The following CDYL2 variants were observed in gnomAD, a reference collection of about 807,000 sequenced individuals.
The protein encoded by CDYL2 is chromodomain Y-like protein 2.
A neutral mutation model predicts 49.4 loss-of-function variants in CDYL2; 23 were observed. That is an observed-to-expected ratio of 0.47 (90% CI 0.34 to 0.66). The LOEUF (loss-of-function observed/expected upper bound fraction) is 0.66, where lower values mean the gene tolerates loss of function less well. Among genes scored for constraint, CDYL2 ranks in the 30% least tolerant of loss-of-function variants. CDYL2 has a pLI of 0.01. For synonymous variants in CDYL2, 360 were observed against 268.8 expected, an observed-to-expected ratio of 1.34 and a Z score of -3.32; for missense variants, 678 against 656.4, an observed-to-expected ratio of 1.03 and a Z score of -0.36.
intron 1 of CDYL2, among the ~76,000 whole-genome samples, chr16:80,726,111 T>C (rs747940483): frequency 2.0e-5 from 3 of 152,192 alleles, no homozygotes; most frequent in Non-Finnish European, 4.4e-5. Flanking sequence ...TTTGATGAAA[T>C]AAGATTGCTC....
At chr16:80,745,775 G>C (rs1905907495) in intron 1 of CDYL2, among the ~76,000 whole-genome samples, 1 of 152,070 alleles carries the variant, frequency 6.6e-6, no homozygotes, top group Non-Finnish European at 1.5e-5. Flanking sequence ...GAGAAATTTG[G>C]AGTCAATTCA....
chr16:80,660,528 G>T (rs1009393789), intron 2 of CDYL2, among the ~76,000 whole-genome samples: 1 of 152,092 alleles, frequency 6.6e-6, no homozygotes, highest in Non-Finnish European at 1.5e-5. Context: ...CCAGTGAAAA[G>T]CATTAAAAGG....
chr16:80,696,179 TTAAAAA>T (rs1160173130), intron 1 of CDYL2, among the ~76,000 whole-genome samples: 1 of 152,140 alleles, frequency 6.6e-6, no homozygotes, highest in Non-Finnish European at 1.5e-5. Context: ...AGAAGGGAAC[TTAAAAA>T]TTTCTTGAAA....
At chr16:80,643,519 G>A (rs578077136) in intron 2 of CDYL2, among the ~76,000 whole-genome samples, 199 of 152,362 alleles carry the variant, frequency 1.3e-3, no homozygotes, top group African/African-American at 4.3e-3. Context: ...CCTTCTGCAC[G>A]CCTTAGCAGA....
At chr16:80,747,603 C>T (rs1905977966) in intron 1 of CDYL2, among the ~76,000 whole-genome samples, 1 of 152,116 alleles carries the variant, frequency 6.6e-6, no homozygotes, top group Non-Finnish European at 1.5e-5. Flanking sequence ...GGCAGCTTCC[C>T]CTCTGGAGTG....
chr16:80,625,133 T>C (rs1014915810), intron 3 of CDYL2, among the ~76,000 whole-genome samples: 2 of 152,224 alleles, frequency 1.3e-5, no homozygotes, highest in Non-Finnish European at 2.9e-5. Flanking sequence ...AAACTTATTA[T>C]CTTATAGTCC....
At chr16:80,665,461 A>G (rs906716582) in intron 2 of CDYL2, among the ~76,000 whole-genome samples, 1 of 148,668 alleles carries the variant, frequency 6.7e-6, no homozygotes, top group African/African-American at 2.5e-5. Flanking sequence ...ATTCACTGCC[A>G]CCAAGTATTA....
At chr16:80,628,488 G>A (rs1322600999) in intron 3 of CDYL2, 1 of 152,276 alleles carries the variant, frequency 6.6e-6, no homozygotes, top group Non-Finnish European at 1.5e-5. Flanking sequence ...GCTTGGAAGT[G>A]AATTCTCCTC....
At chr16:80,710,544 A>G (rs1450255845) in intron 1 of CDYL2, among the ~76,000 whole-genome samples, 1 of 152,228 alleles carries the variant, frequency 6.6e-6, no homozygotes, top group East Asian at 1.9e-4. Flanking sequence ...TTTTAACTGA[A>G]AAGACTATGT....
intron 4 of CDYL2, among the ~76,000 whole-genome samples, chr16:80,613,921 C>T (rs907128548): frequency 1.3e-5 from 2 of 152,242 alleles, no homozygotes; most frequent in Admixed American, 1.3e-4. Flanking sequence ...GTTTCCCTCA[C>T]ATCACTCTTG....
intron 1 of CDYL2, among the ~76,000 whole-genome samples, chr16:80,786,661 G>C (rs555231535): frequency 6.6e-6 from 1 of 151,888 alleles, no homozygotes; most frequent in Admixed American, 6.6e-5. Context: ...CAAAGACTTG[G>C]AACCAACCCA....
chr16:80,622,848 C>A (rs1452590541), intron 3 of CDYL2, among the ~76,000 whole-genome samples: 2 of 152,202 alleles, frequency 1.3e-5, no homozygotes, highest in Non-Finnish European at 2.9e-5. Context: ...CTATTCAGCT[C>A]CTCATCACAT....
intron 1 of CDYL2, among the ~76,000 whole-genome samples, chr16:80,689,802 A>G (rs1324405706): frequency 6.6e-6 from 1 of 152,194 alleles, no homozygotes; most frequent in African/African-American, 2.4e-5. Flanking sequence ...AAGGAGCACA[A>G]CATAATATGT....
intron 1 of CDYL2, among the ~76,000 whole-genome samples, chr16:80,776,902 C>T (rs1319466083): frequency 6.6e-6 from 1 of 151,818 alleles, no homozygotes; most frequent in African/African-American, 2.4e-5. Context: ...ACTGCAACTT[C>T]CGCCTCCCAG....
chr16:80,645,224 T>A (rs1908283148), intron 2 of CDYL2, among the ~76,000 whole-genome samples: 1 of 152,148 alleles, frequency 6.6e-6, no homozygotes, highest in South Asian at 2.1e-4. Flanking sequence ...GGGAGAACAT[T>A]TTTGCAATCT....
At chr16:80,658,995 A>G (rs527693715) in intron 2 of CDYL2, among the ~76,000 whole-genome samples, 1 of 152,316 alleles carries the variant, frequency 6.6e-6, no homozygotes, top group East Asian at 1.9e-4. Flanking sequence ...TGGCAGTAAT[A>G]GATTATAAAC....
At chr16:80,695,151 T>C (rs145098933) in intron 1 of CDYL2, among the ~76,000 whole-genome samples, 38 of 152,390 alleles carry the variant, frequency 2.5e-4, no homozygotes, top group African/African-American at 7.9e-4. Flanking sequence ...TAAAGTTTTA[T>C]TGGTACACAC....
intron 1 of CDYL2, among the ~76,000 whole-genome samples, chr16:80,706,341 C>T (rs948268759): frequency 6.6e-6 from 1 of 152,182 alleles, no homozygotes; most frequent in Non-Finnish European, 1.5e-5. Flanking sequence ...ATGCTGGACC[C>T]ATCCGCTCAA....
chr16:80,728,738 C>T (rs1905240452), intron 1 of CDYL2, among the ~76,000 whole-genome samples: 2 of 152,206 alleles, frequency 1.3e-5, no homozygotes, highest in Non-Finnish European at 2.9e-5. Flanking sequence ...ATCAGACTAA[C>T]AGCGAGCGGA....
Sources: gnomAD v4.1 joint callset for allele counts (sites outside exome capture counted in the v4.1 genomes callset) on GRCh38, gnomAD v4.1.1 for gene constraint, MANE v1.5 for transcripts, NCBI Gene and HGNC (gene_info 2026-07-23, HGNC 2026-07-21) for gene names.